Variants in METTL15 observed in about 807,000 individuals in gnomAD.
METTL15 encodes the protein 12S rRNA N(4)-cytidine methyltransferase METTL15.
A neutral mutation model predicts 38.3 loss-of-function variants in METTL15; 34 were observed. The ratio of observed to expected loss-of-function variants is 0.89; its 90% CI spans 0.68 to 1.18. The LOEUF (loss-of-function observed/expected upper bound fraction) is 1.18, where lower values mean the gene tolerates loss of function less well. METTL15 is among the 50% of genes most tolerant of loss of function. The pLI is 0.00. For synonymous variants in METTL15, 162 were observed against 170.9 expected, an observed-to-expected ratio of 0.95 and a Z score of 0.41; for missense variants, 438 against 498.4, an observed-to-expected ratio of 0.88 and a Z score of 1.15.
intron 4 of METTL15, among the ~76,000 whole-genome samples, chr11:28,220,701 G>A (rs575317034): frequency 5.8e-4 from 89 of 152,242 alleles, no homozygotes; most frequent in Admixed American, 2.2e-3. Context: ...GGCTGGTACC[G>A]GTTGTTCGTT....
intron 6 of METTL15, among the ~76,000 whole-genome samples, chr11:28,513,906 A>G (rs1851697870): frequency 6.6e-6 from 1 of 152,246 alleles, no homozygotes; most frequent in Non-Finnish European, 1.5e-5. Context: ...TAGCGTGGGC[A>G]TTATGACCAT....
At chr11:28,399,716 A>G (rs923350380) in intron 5 of METTL15, among the ~76,000 whole-genome samples, 3 of 152,034 alleles carry the variant, frequency 2.0e-5, no homozygotes, top group Middle Eastern at 3.4e-3. Flanking sequence ...TTTCTAATCT[A>G]CTATCAAAAT....
chr11:28,345,648 G>A (rs762970555), intron 3 of METTL15, among the ~76,000 whole-genome samples: 14 of 152,298 alleles, frequency 9.2e-5, no homozygotes, highest in South Asian at 6.2e-4. Flanking sequence ...TACGTATGAA[G>A]AAGCTGCATC....
intron 6 of METTL15, among the ~76,000 whole-genome samples, chr11:28,452,492 A>T (rs1383780340): frequency 6.6e-6 from 1 of 152,218 alleles, no homozygotes; most frequent in Non-Finnish European, 1.5e-5. Context: ...GCTGTATGTG[A>T]TACATAACAG....
chr11:28,163,549 CTCTGTG>C, intron 3 of METTL15: 1 of 374,982 alleles, frequency 2.7e-6, no homozygotes. Flanking sequence ...CTCTCTCTCT[CTCTGTG>C]TGTGTGTGTG....
chr11:28,377,173 G>A (rs564358911), intron 5 of METTL15, among the ~76,000 whole-genome samples: 10 of 147,336 alleles, frequency 6.8e-5, no homozygotes, highest in South Asian at 2.2e-4. Context: ...TCTTTGTGGC[G>A]TTCTCTGTAT....
At chr11:28,279,851 A>G (rs1206016152) in intron 4 of METTL15, among the ~76,000 whole-genome samples, 4 of 151,464 alleles carry the variant, frequency 2.6e-5, no homozygotes, top group Admixed American at 2.0e-4. Flanking sequence ...GTGAGCTGAC[A>G]TCACGCCATT....
At chr11:28,372,996 C>T (rs1398934474) in intron 5 of METTL15, among the ~76,000 whole-genome samples, 1 of 151,808 alleles carries the variant, frequency 6.6e-6, no homozygotes. Flanking sequence ...ATATGTGCCA[C>T]ATTTTCTTAA....
At chr11:28,409,480 T>C (rs1055358055) in intron 5 of METTL15, among the ~76,000 whole-genome samples, 1 of 150,930 alleles carries the variant, frequency 6.6e-6, no homozygotes, top group Non-Finnish European at 1.5e-5. Context: ...AGGAGAAATA[T>C]GGAAAATTCA....
intron 3 of METTL15, among the ~76,000 whole-genome samples, chr11:28,127,249 T>G (rs1414128229): frequency 6.6e-6 from 1 of 152,116 alleles, no homozygotes; most frequent in East Asian, 1.9e-4. Context: ...GTTGAGACAT[T>G]GGAGAAGAAT....
chr11:28,426,911 G>GT (rs374376615), intron 6 of METTL15, among the ~76,000 whole-genome samples: 2 of 151,406 alleles, frequency 1.3e-5, no homozygotes, highest in South Asian at 2.1e-4. Context: ...CTGATGATAG[G>GT]TTTTTTTTCT....
intron 3 of METTL15, among the ~76,000 whole-genome samples, chr11:28,162,881 C>T (rs1038443546): frequency 4.6e-5 from 7 of 152,082 alleles, no homozygotes; most frequent in Admixed American, 2.6e-4. Flanking sequence ...ATAACTTTCA[C>T]ACCATAGTAA....
chr11:28,223,731 A>C (rs1215639958), intron 4 of METTL15, among the ~76,000 whole-genome samples: 1 of 152,102 alleles, frequency 6.6e-6, no homozygotes, highest in African/African-American at 2.4e-5. Flanking sequence ...AGGCTAACCC[A>C]TTTTAGCTCT....
In METTL15 at chr11:28,284,210, A is replaced by T. The variant is rs539086079; in HGVS notation, c.408-5996A>T. Among the ~76,000 whole-genome samples, 66 of 152,262 alleles carry T rather than the reference A, an allele frequency of 4.3e-4. 1 individual carries two copies. The highest frequency in any genetic ancestry group is 6.8e-3 in the Middle Eastern group (2 of 294). On this transcript the variant is annotated intron_variant, in intron 4 of 6. Coordinates refer to ENST00000407364, the MANE Select transcript of METTL15 (RefSeq NM_001113528.2). ...TTTTGTGGTGGTGCATCATTTTTTT[A>T]TATACTTTCATACTTGTACATTATA...
intron 4 of METTL15, among the ~76,000 whole-genome samples, chr11:28,220,919 C>G (rs1210780331): frequency 6.6e-6 from 1 of 152,134 alleles, no homozygotes; most frequent in Non-Finnish European, 1.5e-5. Flanking sequence ...TAGAGTTTTG[C>G]GGAGAGATCA....
chr11:28,220,116 T>C (rs1196837425), intron 4 of METTL15, among the ~76,000 whole-genome samples: 1 of 152,222 alleles, frequency 6.6e-6, no homozygotes, highest in Non-Finnish European at 1.5e-5. Flanking sequence ...TGTATATCTT[T>C]TTTAACTTTC....
At position 28,174,230 on chromosome 11, in the gene METTL15, G is replaced by A. The variant is rs150948244; in HGVS notation, c.271-36832G>A. On this transcript the variant is annotated intron_variant, in intron 3 of 6. Transcript: ENST00000407364. ...TCCAATCTTTTATTTATATCAGTAT[G>A]GACTCATGGATATTTATTTATACTT... Among the ~76,000 whole-genome samples the A allele has an allele frequency of 2.2e-3, 341 of 152,148 alleles. 3 individuals carry two copies. Among genetic ancestry groups the A allele is most frequent in the African/African-American group, 7.9e-3 (326 of 41,502 alleles).
At chr11:28,269,810 G>C (rs1227064757) in intron 4 of METTL15, among the ~76,000 whole-genome samples, 2 of 152,184 alleles carry the variant, frequency 1.3e-5, no homozygotes, top group African/African-American at 2.4e-5. Flanking sequence ...TGGAGTTAAA[G>C]TCCCTTGACT....
At chr11:28,397,210 G>A (rs535958243) in intron 5 of METTL15, among the ~76,000 whole-genome samples, 3 of 152,140 alleles carry the variant, frequency 2.0e-5, no homozygotes, top group South Asian at 4.2e-4. Flanking sequence ...AACACCAAAA[G>A]CAATGGCAAC....
Sources: allele counts gnomAD v4.1 joint callset (sites outside exome capture counted in the v4.1 genomes callset), GRCh38; gene constraint gnomAD v4.1.1; transcripts MANE v1.5; gene names NCBI Gene and HGNC (gene_info 2026-07-23, HGNC 2026-07-21).